Variants in DISC1 observed in about 807,000 individuals in gnomAD.
The protein encoded by DISC1 is DISC1 scaffold protein, also known as disrupted in schizophrenia 1 protein.
DISC1 carries 57 observed loss-of-function variants against 84.5 expected under a neutral mutation model. The ratio of observed to expected loss-of-function variants is 0.67; its 90% CI spans 0.55 to 0.84. The LOEUF (loss-of-function observed/expected upper bound fraction) is 0.84. Ranked by LOEUF, DISC1 falls within the 40% of genes least tolerant of loss-of-function variation. The pLI, the probability that DISC1 is intolerant of heterozygous loss-of-function variation, is 0.00. For missense variants in DISC1, 1,000 were observed against 1,057.8 expected (o/e 0.95, Z 0.76); for synonymous variants, 411 against 415.2 (o/e 0.99, Z 0.12).
At chr1:231,866,349 CA>C (rs2085053316) in intron 9 of DISC1, among the ~76,000 whole-genome samples, 2 of 152,062 alleles carry the variant, frequency 1.3e-5, no homozygotes, top group African/African-American at 4.8e-5. Flanking sequence ...TTCTCATCTA[CA>C]AAATGAAAAA....
intron 9 of DISC1, among the ~76,000 whole-genome samples, chr1:231,890,528 A>G (rs1558697272): frequency 1.3e-5 from 2 of 152,248 alleles, no homozygotes; most frequent in Non-Finnish European, 1.5e-5. Context: ...AGTCAAATAC[A>G]TAGAAACAGA....
chr1:231,770,799 T>C (rs201578922), intron 5 of DISC1, 36 bp from the exon 6 acceptor site: 1 of 1,602,312 alleles, frequency 6.2e-7, no homozygotes, highest in East Asian at 2.2e-5. Context: ...ATGAGCAGGG[T>C]TAATTTATAA....
At position 231,691,358 on chromosome 1, in the gene DISC1, G is replaced by A. The variant is rs113893658; in HGVS notation, c.68-2468G>A. On this transcript the variant is annotated intron_variant, in intron 1 of 12. Transcript: ENST00000439617. ...AGGCAGGAGAATCACTTGAACCTGG[G>A]AGGTGGAGGTTGCAGTGGGGTGAGA... is the stretch of plus-strand genomic sequence containing the variant. Among the ~76,000 whole-genome samples the A allele has an allele frequency of 8.4e-3, 1,273 of 152,106 alleles. 22 individuals are homozygous for A. Among genetic ancestry groups the A allele is most frequent in the African/African-American group, 0.029 (1,219 of 41,474 alleles).
At chr1:231,787,300 G>C (rs2077956108) in intron 6 of DISC1, among the ~76,000 whole-genome samples, 1 of 152,148 alleles carries the variant, frequency 6.6e-6, no homozygotes, top group Non-Finnish European at 1.5e-5. Flanking sequence ...TGGAGGCTTG[G>C]AAGTCCAAGG....
chr1:231,956,004 T>C (rs1273749410), intron 9 of DISC1, among the ~76,000 whole-genome samples: 1 of 152,162 alleles, frequency 6.6e-6, no homozygotes, highest in Non-Finnish European at 1.5e-5. Flanking sequence ...CCATCTGCTG[T>C]CTTTCTGTGT....
chr1:232,011,930 C>G (rs897823471), intron 11 of DISC1, among the ~76,000 whole-genome samples: 19 of 152,102 alleles, frequency 1.2e-4, no homozygotes, highest in African/African-American at 4.6e-4. Context: ...TCAGTTAGGC[C>G]TCTTACAGGC....
chr1:231,736,929 T>A (rs2125234451), intron 3 of DISC1, among the ~76,000 whole-genome samples: 1 of 152,346 alleles, frequency 6.6e-6, no homozygotes, highest in South Asian at 2.1e-4. Flanking sequence ...CAGGATGTCT[T>A]TATGTGTGAA....
At chr1:231,872,966 CT>C (rs1398419033) in intron 9 of DISC1, among the ~76,000 whole-genome samples, 2 of 152,222 alleles carry the variant, frequency 1.3e-5, no homozygotes, top group Admixed American at 6.5e-5. Context: ...TTGCATGTAG[CT>C]TCCCACTACT....
At chr1:231,781,008 T>A (rs201569090) in intron 6 of DISC1, among the ~76,000 whole-genome samples, 1 of 79,598 alleles carries the variant, frequency 1.3e-5, no homozygotes, top group Admixed American at 1.9e-4. Context: ...TGGGGACTGT[T>A]GTGGGGTGGG....
At chr1:232,012,435 C>T (rs1042935130) in intron 11 of DISC1, among the ~76,000 whole-genome samples, 4 of 152,124 alleles carry the variant, frequency 2.6e-5, no homozygotes, top group Non-Finnish European at 5.9e-5. Flanking sequence ...CTTTTGTTTT[C>T]CTGCCTGTGT....
At chr1:231,949,116 C>T (rs1015314414) in intron 9 of DISC1, among the ~76,000 whole-genome samples, 10 of 152,110 alleles carry the variant, frequency 6.6e-5, no homozygotes, top group African/African-American at 2.4e-4. Context: ...GTTCCACCTG[C>T]CTCGGCCTCA....
At chr1:231,910,478 A>G (rs1311552074) in intron 9 of DISC1, among the ~76,000 whole-genome samples, 1 of 152,076 alleles carries the variant, frequency 6.6e-6, no homozygotes, top group Admixed American at 6.5e-5. Flanking sequence ...TATGTAGTTG[A>G]GCGGTTTTGA....
intron 3 of DISC1, chr1:231,702,345 A>G: frequency 9.5e-7 from 1 of 1,049,564 alleles, no homozygotes; most frequent in Non-Finnish European, 1.1e-6. Flanking sequence ...TGTTCATAAA[A>G]AATATTCGTC....
chr1:231,847,071 G>A (rs1426248355), intron 9 of DISC1, among the ~76,000 whole-genome samples: 1 of 152,170 alleles, frequency 6.6e-6, no homozygotes. Flanking sequence ...ACCACAGACT[G>A]AGTGGCTTGG....
intron 9 of DISC1, among the ~76,000 whole-genome samples, chr1:231,956,821 C>G (rs1408716141): frequency 1.3e-5 from 2 of 152,162 alleles, no homozygotes; most frequent in Non-Finnish European, 2.9e-5. Context: ...TGGATGTATT[C>G]TAAGACCATC....
intron 10 of DISC1, among the ~76,000 whole-genome samples, chr1:231,968,567 G>A (rs1661424996): frequency 6.7e-6 from 1 of 148,758 alleles, no homozygotes; most frequent in African/African-American, 2.5e-5. Flanking sequence ...ACTCCAGCCT[G>A]GGCGACAGAG....
intron 7 of DISC1, among the ~76,000 whole-genome samples, chr1:231,796,424 C>T (rs965913479): frequency 5.5e-5 from 8 of 146,020 alleles, no homozygotes; most frequent in South Asian, 2.1e-4. Context: ...GACTCTCTTC[C>T]GGTCTCTGTG....
chr1:231,920,189 C>T (rs866857740), intron 9 of DISC1, among the ~76,000 whole-genome samples: 4 of 152,134 alleles, frequency 2.6e-5, no homozygotes, highest in African/African-American at 9.7e-5. Context: ...GAAAACACAG[C>T]GTGCCTAGTT....
intron 11 of DISC1, among the ~76,000 whole-genome samples, chr1:232,014,149 A>G (rs821640): frequency 0.35 from 52,503 of 151,966 alleles, 9,319 homozygotes; most frequent in East Asian, 0.42. Flanking sequence ...CTTGTCTTAA[A>G]CTGATTTCTA....
Sources: gnomAD v4.1 joint callset for allele counts (sites outside exome capture counted in the v4.1 genomes callset) on GRCh38, gnomAD v4.1.1 for gene constraint, MANE v1.5 for transcripts, NCBI Gene and HGNC (gene_info 2026-07-23, HGNC 2026-07-21) for gene names.